The following NEK10 variants were observed in gnomAD, a reference collection of about 807,000 sequenced individuals.
NEK10 encodes NIMA related kinase 10.
A neutral mutation model predicts 159.8 loss-of-function variants in NEK10; 122 were observed. The ratio of observed to expected loss-of-function variants is 0.76; its 90% CI spans 0.66 to 0.89. The LOEUF is 0.89. Ranked by LOEUF, NEK10 falls within the 40% of genes least tolerant of loss-of-function variation. The pLI is 0.00. For missense variants in NEK10, 1,342 were observed against 1,323.1 expected (o/e 1.01, Z -0.22); for synonymous variants, 466 against 457.1 (o/e 1.02, Z -0.25).
At chr3:27,150,667 G>A (rs1287253925) in intron 30 of NEK10, among the ~76,000 whole-genome samples, 1 of 152,172 alleles carries the variant, frequency 6.6e-6, no homozygotes, top group East Asian at 1.9e-4. Context: ...GGATATTAAT[G>A]TTGTTTTCAT....
intron 7 of NEK10, among the ~76,000 whole-genome samples, chr3:27,312,408 ACT>A (rs773780947): frequency 6.6e-6 from 1 of 152,054 alleles, no homozygotes; most frequent in African/African-American, 2.4e-5. Flanking sequence ...CCATCTCAAG[ACT>A]CTATAAACTC....
intron 23 of NEK10, among the ~76,000 whole-genome samples, chr3:27,236,633 G>A (rs1329650896): frequency 6.6e-6 from 1 of 152,150 alleles, no homozygotes; most frequent in Non-Finnish European, 1.5e-5. Context: ...TCCCACCTGA[G>A]CCGCAAAACC....
rs183885054 is a variant in NEK10, at chr3:27,153,720, C to A, written c.2869+8981G>T. On this transcript the variant is annotated intron_variant, in intron 30 of 35. Transcript: ENST00000691995. ...TCCTGAATGAGCAATGGGTCAGAAACACAATCAAGATGGAAATTTAAAAAT... is the reference window on the plus strand; with the variant it reads ...TCCTGAATGAGCAATGGGTCAGAAAAACAATCAAGATGGAAATTTAAAAAT... Among the ~76,000 whole-genome samples, 531 of 152,248 alleles carry A rather than the reference C, an allele frequency of 3.5e-3. 5 individuals carry two copies. The highest frequency in any genetic ancestry group is 0.012 in the African/African-American group (503 of 41,554).
intron 26 of NEK10, among the ~76,000 whole-genome samples, chr3:27,189,808 G>A (rs946469553): frequency 2.0e-5 from 3 of 152,046 alleles, no homozygotes; most frequent in Admixed American, 6.6e-5. Context: ...AAAATAGTGC[G>A]AAAGGAGAAA....
Position 27,346,099 on chromosome 3 carries a change from G to T in NEK10, c.250C>A (p.Leu84Ile). 1 of 1,613,650 alleles carries T rather than the reference G, an allele frequency of 6.2e-7. No individual in the cohort carries two copies. Among genetic ancestry groups the T allele is most frequent in the Non-Finnish European group, 8.5e-7 (1 of 1,179,648 alleles). Reference protein sequence around the residue: ...QWHESTEAVELENFSINYKNE... With the variant: ...QWHESTEAVEIENFSINYKNE... ...TGGATTTCTTACCTAAAATTTTCAA[G>T]TTCAACAGCTTCTGTGGATTCATGC... Residue 84 changes from leucine (L) to isoleucine (I), a missense_variant, in exon 4 of 36, where the codon CTT (leucine) becomes ATT (isoleucine). Transcript: ENST00000691995.
intron 15 of NEK10, among the ~76,000 whole-genome samples, chr3:27,295,173 T>A (rs2043269220): frequency 6.6e-6 from 1 of 152,172 alleles, no homozygotes; most frequent in Non-Finnish European, 1.5e-5. Context: ...TCACACTTGG[T>A]GCATGCTGTT....
At chr3:27,141,928 G>C (rs1943823593) in intron 30 of NEK10, among the ~76,000 whole-genome samples, 1 of 152,078 alleles carries the variant, frequency 6.6e-6, no homozygotes, top group Admixed American at 6.6e-5. Context: ...GACATGTATA[G>C]TTAAGAGGCT....
chr3:27,171,989 G>A, intron 28 of NEK10, 116 bp from the exon 29 acceptor site: 1 of 1,105,440 alleles, frequency 9.0e-7, no homozygotes. Context: ...AGAGAAAAGG[G>A]AACTCATACA....
At chr3:27,312,248 C>A in intron 7 of NEK10, 71 bp from the exon 8 acceptor site, 1 of 796,284 alleles carries the variant, frequency 1.3e-6, no homozygotes. Context: ...GAACAAGATG[C>A]TGCAGTTCTT....
intron 22 of NEK10, among the ~76,000 whole-genome samples, chr3:27,280,311 T>G (rs1354024141): frequency 6.6e-6 from 1 of 151,698 alleles, no homozygotes; most frequent in Non-Finnish European, 1.5e-5. Context: ...GGAGCCCATT[T>G]AACCCTGCAG....
rs567275427 is a variant in NEK10, at chr3:27,365,207, T to C, written c.-38+4018A>G. Among the ~76,000 whole-genome samples, 64 of 152,342 alleles carry C rather than the reference T, an allele frequency of 4.2e-4. 2 individuals are homozygous for C. In the South Asian group the frequency reaches 0.012, roughly 30 times the overall value. Reference sequence around the variant, plus strand: ...CTTTTGCAAAATATACTAACTACTGTGGAACATTTTCCTCATGGCCCAAGG... The same window carrying C: ...CTTTTGCAAAATATACTAACTACTGCGGAACATTTTCCTCATGGCCCAAGG... On this transcript the variant is annotated intron_variant, in intron 1 of 35. Transcript: ENST00000691995.
intron 31 of NEK10, among the ~76,000 whole-genome samples, chr3:27,134,137 A>T (rs551347168): frequency 6.6e-6 from 1 of 152,270 alleles, no homozygotes; most frequent in Admixed American, 6.5e-5. Context: ...AAGACAGATG[A>T]GAAGGAAAAT....
At chr3:27,297,045 G>A (rs903427642) in intron 14 of NEK10, 134 bp downstream of exon 14, 6 of 542,282 alleles carry the variant, frequency 1.1e-5, no homozygotes, top group East Asian at 5.7e-5. Context: ...TTAGTTAAAC[G>A]AGAAATGTTA....
intron 13 of NEK10, among the ~76,000 whole-genome samples, chr3:27,297,834 G>A (rs528111291): frequency 6.6e-6 from 1 of 152,262 alleles, no homozygotes; most frequent in East Asian, 1.9e-4. Context: ...GCAGCCTTTG[G>A]TGGTATTTTG....
At chr3:27,287,800 CACTG>C in intron 19 of NEK10, 57 bp from the exon 20 acceptor site, 1 of 1,456,594 alleles carries the variant, frequency 6.9e-7, no homozygotes, top group Non-Finnish European at 9.1e-7. Flanking sequence ...CAAGTTTTTT[CACTG>C]ACTACTTAGT....
intron 31 of NEK10, among the ~76,000 whole-genome samples, chr3:27,132,233 TTGA>T (rs1220591514): frequency 6.6e-6 from 1 of 152,246 alleles, no homozygotes; most frequent in Non-Finnish European, 1.5e-5. Context: ...TCTTCATTGA[TTGA>T]TATTATTTTT....
At chr3:27,336,118 T>C (rs1194320125) in intron 5 of NEK10, among the ~76,000 whole-genome samples, 2 of 152,004 alleles carry the variant, frequency 1.3e-5, no homozygotes, top group African/African-American at 4.8e-5. Context: ...CTAGCTAGAC[T>C]AACAAAGACG....
At chr3:27,161,365 T>C (rs367856079) in intron 30 of NEK10, among the ~76,000 whole-genome samples, 1 of 152,192 alleles carries the variant, frequency 6.6e-6, no homozygotes, top group Non-Finnish European at 1.5e-5. Context: ...GGCCTCAAAC[T>C]GTCAATAACT....
At chr3:27,215,042 G>A (rs1042399859) in intron 23 of NEK10, 6 of 591,106 alleles carry the variant, frequency 1.0e-5, no homozygotes, top group Admixed American at 2.5e-5. Context: ...GGCGCCTCCA[G>A]CTTTCCTCTT....
Sources: gnomAD v4.1 joint callset for allele counts (sites outside exome capture counted in the v4.1 genomes callset) on GRCh38, gnomAD v4.1.1 for gene constraint, MANE v1.5 for transcripts, NCBI Gene and HGNC (gene_info 2026-07-23, HGNC 2026-07-21) for gene names.